UGT2A2: variants seen among roughly 807,000 people sequenced by gnomAD.
UGT2A2 encodes the protein UDP-glucuronosyltransferase 2A2.
A neutral mutation model predicts 50.7 loss-of-function variants in UGT2A2; 60 were observed. The ratio of observed to expected loss-of-function variants is 1.18; its 90% CI spans 0.96 to 1.47. UGT2A2 has a LOEUF of 1.47. Ranked by LOEUF, UGT2A2 falls within the 40% of genes most tolerant of loss-of-function variation. The probability of loss-of-function intolerance (pLI) is 0.00; values close to 1 mark genes in which losing one functional copy is unlikely to be tolerated. For missense variants in UGT2A2, 762 were observed against 634.0 expected, an observed-to-expected ratio of 1.20 and a Z score of -2.17; for synonymous variants, 242 against 214.6, an observed-to-expected ratio of 1.13 and a Z score of -1.11.
At chr4:69,632,990 G>C (rs1431059477) in intron 1 of UGT2A2, among the ~76,000 whole-genome samples, 1 of 152,092 alleles carries the variant, frequency 6.6e-6, no homozygotes, top group Non-Finnish European at 1.5e-5. Context: ...GGACGTGGGT[G>C]ACAATTTAAT....
intron 1 of UGT2A2, among the ~76,000 whole-genome samples, chr4:69,608,309 C>A (rs1431824855): frequency 7.1e-6 from 1 of 141,166 alleles, no homozygotes; most frequent in Non-Finnish European, 1.5e-5. Flanking sequence ...TCTCAGCAAA[C>A]TATCTCAAGG....
At chr4:69,620,291 G>GAA (rs112020407) in intron 1 of UGT2A2, among the ~76,000 whole-genome samples, 3 of 147,972 alleles carry the variant, frequency 2.0e-5, no homozygotes, top group South Asian at 2.1e-4. Flanking sequence ...AAAGTTTCAG[G>GAA]AAAAAAAATC....
rs150318319 is a variant in UGT2A2 at position 69,627,534 on chromosome 4, AAGAGAG to A, written c.742+11359_742+11364del. On this transcript the variant is annotated intron_variant, in intron 1 of 5. Coordinates refer to ENST00000604629, the MANE Select transcript of UGT2A2 (RefSeq NM_001105677.2). ...AAAAGAAAGAAAGAAGAAAGAAAGA[AAGAGAG>A]AGAGAGAAAGAGAGAGAGAGAGAGA... Among the ~76,000 whole-genome samples the A allele has an allele frequency of 1.8e-3, 257 of 139,568 alleles. 1 individual carries two copies. The highest frequency in any genetic ancestry group is 3.7e-3 in the East Asian group (18 of 4,858). 91.6% of individuals were successfully genotyped at this position (139,568 alleles called of 152,430 possible).
chr4:69,620,083 A>G (rs1720654231), intron 1 of UGT2A2, among the ~76,000 whole-genome samples: 1 of 152,074 alleles, frequency 6.6e-6, no homozygotes, highest in Non-Finnish European at 1.5e-5. Context: ...AAAGACAAGT[A>G]TGCCCTCTCT....
At chr4:69,599,603 G>A in intron 1 of UGT2A2, 1 of 568,932 alleles carries the variant, frequency 1.8e-6, no homozygotes, top group South Asian at 4.7e-5. Context: ...AAGGAAGGAA[G>A]GGAGGAAGGG....
chr4:69,590,638 A>T (rs1282031206), intron 5 of UGT2A2, among the ~76,000 whole-genome samples: 1 of 150,206 alleles, frequency 6.7e-6, no homozygotes, highest in Non-Finnish European at 1.5e-5. Context: ...ACATGTGTTG[A>T]GTGTGTGTGT....
chr4:69,619,915 T>C (rs1210192992), intron 1 of UGT2A2, among the ~76,000 whole-genome samples: 1 of 151,918 alleles, frequency 6.6e-6, no homozygotes, highest in Admixed American at 6.6e-5. Flanking sequence ...ATTACCTCAA[T>C]AGGCACACAA....
intron 1 of UGT2A2, among the ~76,000 whole-genome samples, chr4:69,602,270 T>A (rs1449841095): frequency 7.3e-6 from 1 of 136,820 alleles, no homozygotes; most frequent in Non-Finnish European, 1.6e-5. Flanking sequence ...TAGAAAAGAA[T>A]TTCTTTACAC....
chr4:69,632,891 A>C (rs562086097), intron 1 of UGT2A2, among the ~76,000 whole-genome samples: 16 of 152,100 alleles, frequency 1.1e-4, no homozygotes, highest in African/African-American at 3.9e-4. Context: ...CGGTCAAAAA[A>C]AAAAAAAAAA....
chr4:69,597,447 A>G (rs1003518529), intron 2 of UGT2A2, among the ~76,000 whole-genome samples: 12 of 152,178 alleles, frequency 7.9e-5, no homozygotes, highest in African/African-American at 2.9e-4. Flanking sequence ...AAAATCTGAG[A>G]TTAAGGCCTT....
intron 1 of UGT2A2, among the ~76,000 whole-genome samples, chr4:69,618,703 A>G (rs1040281381): frequency 2.6e-5 from 4 of 152,010 alleles, no homozygotes; most frequent in Non-Finnish European, 5.9e-5. Flanking sequence ...GTGTAATTCT[A>G]AGTTCAATCA....
At position 69,638,994 on chromosome 4, in the gene UGT2A2, C is replaced by T. The variant is rs1328979499; in HGVS notation, c.647G>A (p.Gly216Asp). 9 of 1,612,972 alleles carry T rather than the reference C, an allele frequency of 5.6e-6. No individual in the cohort carries two copies. Among genetic ancestry groups the T allele is most frequent in the Admixed American group, 1.7e-5 (1 of 59,850 alleles). Residue 216 changes from glycine to aspartate, a missense_variant, in exon 1 of 6, where the codon GGT becomes GAT. Physicochemically the swap from Gly to Asp is moderately conservative, Grantham distance 94. Transcript: ENST00000604629. ...AGATATGGTATTTTTAATCCTTTCA[C>T]CAAAGGTCATCTGGTCAGTGAGCTC... ...LSELTDQMTF[G>D]ERIKNTISYS...
At chr4:69,613,880 A>G (rs946001222) in intron 1 of UGT2A2, among the ~76,000 whole-genome samples, 17 of 152,184 alleles carry the variant, frequency 1.1e-4, no homozygotes, top group African/African-American at 4.1e-4. Flanking sequence ...ATATTGAATG[A>G]GTACAAATTG....
intron 1 of UGT2A2, among the ~76,000 whole-genome samples, chr4:69,624,744 C>G (rs1022488609): frequency 2.6e-4 from 39 of 151,388 alleles, no homozygotes; most frequent in Non-Finnish European, 5.5e-4. Context: ...TGTTGCCATA[C>G]AGTTTACTTC....
chr4:69,616,448 C>G (rs1720390517), intron 1 of UGT2A2, among the ~76,000 whole-genome samples: 1 of 151,852 alleles, frequency 6.6e-6, no homozygotes. Context: ...CTGATTTGAT[C>G]ATTACACATT....
intron 1 of UGT2A2, among the ~76,000 whole-genome samples, chr4:69,622,074 G>C (rs571797981): frequency 6.6e-6 from 1 of 151,788 alleles, no homozygotes; most frequent in South Asian, 2.1e-4. Flanking sequence ...TTAATACCTG[G>C]GTCATGGAAT....
intron 1 of UGT2A2, among the ~76,000 whole-genome samples, chr4:69,626,183 G>A (rs575677619): frequency 4.0e-5 from 6 of 150,558 alleles, no homozygotes; most frequent in African/African-American, 9.7e-5. Flanking sequence ...ATATTTGGAC[G>A]CTTTGATCTG....
Position 69,599,413 on chromosome 4 carries a change from G to C in UGT2A2, c.743-19C>G. 1 of 1,610,298 alleles carries C rather than the reference G, an allele frequency of 6.2e-7. No homozygotes were observed. Among genetic ancestry groups the C allele is most frequent in the Non-Finnish European group, 8.5e-7 (1 of 1,179,118 alleles). On this transcript the variant is annotated intron_variant, in intron 1 of 5. Transcript: ENST00000604629. Reference sequence around the variant, plus strand: ...GGTCTTCCTGGAGAAAATGTAACAAGTTGGATGGAGGAAATTAGCTTATAT... The same window carrying C: ...GGTCTTCCTGGAGAAAATGTAACAACTTGGATGGAGGAAATTAGCTTATAT...
At chr4:69,610,259 G>T (rs530029041) in intron 1 of UGT2A2, among the ~76,000 whole-genome samples, 2 of 151,738 alleles carry the variant, frequency 1.3e-5, no homozygotes, top group African/African-American at 4.8e-5. Context: ...AAAAAAAGTT[G>T]CATTGAATTC....
Sources: gnomAD v4.1 joint callset for allele counts (sites outside exome capture counted in the v4.1 genomes callset) on GRCh38, gnomAD v4.1.1 for gene constraint, MANE v1.5 for transcripts, NCBI Gene and HGNC (gene_info 2026-07-23, HGNC 2026-07-21) for gene names.